The following LRP5 variants were observed in gnomAD, a reference collection of about 807,000 sequenced individuals.
The protein encoded by LRP5 is LDL receptor related protein 5.
A neutral mutation model predicts 154.1 loss-of-function variants in LRP5; 62 were observed. The ratio of observed to expected loss-of-function variants is 0.40; its 90% confidence interval spans 0.33 to 0.50. LRP5 has a LOEUF of 0.50. LRP5 is among the 20% of genes least tolerant of loss of function. The pLI is 0.55. For missense variants in LRP5, 1,915 were observed against 2,336.7 expected, an observed-to-expected ratio of 0.82 and a Z score of 3.72; for synonymous variants, 966 against 1,011.5, an observed-to-expected ratio of 0.96 and a Z score of 0.85.
At position 68,449,184 on chromosome 11, in the gene LRP5, CATG is replaced by C; in HGVS notation, c.*116_*118del. The C allele has an allele frequency of 1.9e-6, 1 of 515,156 alleles. No individual in the cohort carries two copies. The highest frequency in any genetic ancestry group is 4.9e-5 in the East Asian group (1 of 20,426). 31.9% of individuals were successfully genotyped at this position (515,156 alleles called of 1,614,324 possible). A position where few individuals can be genotyped will look rare whatever the true frequency, so the allele number is the denominator to read the frequency against. On this transcript the variant is annotated 3_prime_UTR_variant, in exon 23 of 23. Coordinates refer to ENST00000294304, the MANE Select transcript of LRP5 (RefSeq NM_002335.4). ...ATAAATATAATTGGGATTTTAAAAA[CATG>C]AGAAATGTGAACTGTGATGGGGTGG...
At chr11:68,341,812 A>G (rs192979664) in intron 1 of LRP5, among the ~76,000 whole-genome samples, 2 of 150,446 alleles carry the variant, frequency 1.3e-5, no homozygotes. Flanking sequence ...ACCCTGCACC[A>G]TTTCCCTGAT....
intron 7 of LRP5, among the ~76,000 whole-genome samples, chr11:68,391,141 G>A (rs551150630): frequency 6.6e-5 from 10 of 152,232 alleles, no homozygotes; most frequent in Non-Finnish European, 5.9e-5. Context: ...GCTAAATTTT[G>A]TATTTTTAGT....
Position 68,438,618 on chromosome 11 carries a change from C to A in LRP5, c.4284C>A (p.Ser1428Arg), listed in dbSNP as rs563657853. 1.5e-5 allele frequency: 25 copies of A among 1,613,596 alleles called. No homozygotes were observed. The African/African-American group carries it at 3.1e-4, about 20-fold the overall frequency. ...ANGPFPHEYV[S>R]GTPHVPLNFI... ...GGCCCTTCCCGCACGAGTATGTCAG[C>A]GGGACCCCGCACGTGCCCCTCAATT... Residue 1428 changes from serine to arginine, a missense_variant, in exon 20 of 23, where the codon AGC (serine) becomes AGA (arginine). Physicochemically the swap from Ser to Arg is moderately radical, Grantham distance 110 (BLOSUM62 -1). This residue lies in a region of LRP5 where 1,094 missense variants were observed against 1,210.1 expected (regional missense o/e 0.90). Coordinates refer to ENST00000294304, the MANE Select transcript of LRP5 (RefSeq NM_002335.4).
At chr11:68,425,034 C>G in intron 14 of LRP5, 68 bp from the exon 15 acceptor site, 1 of 1,459,740 alleles carries the variant, frequency 6.9e-7, no homozygotes, top group African/African-American at 1.4e-5. Flanking sequence ...AGCTGGGTGC[C>G]CTGGGCTCCG....
chr11:68,399,322 G>A (rs1357251028), intron 7 of LRP5, among the ~76,000 whole-genome samples: 1 of 151,996 alleles, frequency 6.6e-6, no homozygotes, highest in East Asian at 1.9e-4. Context: ...AGCGAGCCAA[G>A]ATCGTGTCAC....
intron 5 of LRP5, among the ~76,000 whole-genome samples, chr11:68,368,536 G>A (rs2098632326): frequency 6.6e-6 from 1 of 152,266 alleles, no homozygotes; most frequent in Non-Finnish European, 1.5e-5. Context: ...TTTTGAGTAA[G>A]GGGCTGTCTG....
At chr11:68,394,546 A>G (rs1366659580) in intron 7 of LRP5, among the ~76,000 whole-genome samples, 1 of 151,918 alleles carries the variant, frequency 6.6e-6, no homozygotes, top group Non-Finnish European at 1.5e-5. Context: ...GCTCACTGCA[A>G]GCTCTGCCTC....
At position 68,423,399 on chromosome 11, in the gene LRP5, GC is replaced by G. The variant is rs1652241685; in HGVS notation, c.3028-87del. ...CCAGTGCCCGGGGGTCTCCACCAGTGCCCGGGGGTCTCCGCCAGTGCCAGGG... is the reference window on the plus strand; with the variant it reads ...CCAGTGCCCGGGGGTCTCCACCAGTGCCGGGGGTCTCCGCCAGTGCCAGGG... On this transcript the variant is annotated intron_variant, in intron 13 of 22. Coordinates refer to ENST00000294304, the MANE Select transcript of LRP5 (RefSeq NM_002335.4). This position sits in a 1 kb window ranked among gnomAD's most constrained non-coding sequence, Gnocchi z 4.7. 6 of 1,237,552 alleles carry G rather than the reference GC, an allele frequency of 4.8e-6. No individual in the cohort carries two copies. The South Asian group carries it at 6.0e-5, about 12-fold the overall frequency. 76.7% of individuals were successfully genotyped at this position (1,237,552 alleles called of 1,614,324 possible). A position where few individuals can be genotyped will look rare whatever the true frequency, so the allele number is the denominator to read the frequency against.
intron 16 of LRP5, 148 bp from the exon 17 acceptor site, chr11:68,429,427 A>G (rs2098670720): frequency 3.4e-6 from 3 of 884,190 alleles, no homozygotes; most frequent in Admixed American, 2.0e-5. Context: ...GGCTGCCAAG[A>G]GGAATAAGTG....
chr11:68,444,678 G>T (rs1286626992), intron 21 of LRP5, among the ~76,000 whole-genome samples: 2 of 151,130 alleles, frequency 1.3e-5, no homozygotes, highest in Non-Finnish European at 2.9e-5. Flanking sequence ...GGTGGATCTT[G>T]CCAGAAGTCT....
chr11:68,302,249 G>A, the LRP5 span, among the ~76,000 whole-genome samples: 1 of 151,140 alleles, frequency 6.6e-6, no homozygotes, highest in African/African-American at 2.4e-5. Context: ...AGGAGGCTGA[G>A]GCAGGGGGAT....
At chr11:68,380,717 C>T (rs1402785888) in intron 5 of LRP5, among the ~76,000 whole-genome samples, 6 of 152,278 alleles carry the variant, frequency 3.9e-5, no homozygotes, top group South Asian at 4.1e-4. Context: ...CTGTGGTGGG[C>T]GGGGCAGTGC....
At chr11:68,375,008 C>A (rs2098636556) in intron 5 of LRP5, among the ~76,000 whole-genome samples, 1 of 152,224 alleles carries the variant, frequency 6.6e-6, no homozygotes, top group South Asian at 2.1e-4. Flanking sequence ...AGCATAAGCC[C>A]AGCTCCATGC....
chr11:68,393,556 G>A (rs908873070), intron 7 of LRP5, among the ~76,000 whole-genome samples: 3 of 152,126 alleles, frequency 2.0e-5, no homozygotes, highest in Admixed American at 6.5e-5. Flanking sequence ...CGTGGCGGGC[G>A]GATCACCTGA....
chr11:68,437,090 G>A (rs924516454), intron 19 of LRP5, 91 bp downstream of exon 19: 167 of 1,087,400 alleles, frequency 1.5e-4, no homozygotes, highest in Non-Finnish European at 2.5e-5. Flanking sequence ...CTTTCCAGCG[G>A]GGCTGGGGGC....
chr11:68,436,293 T>A (rs1233045508), intron 18 of LRP5, among the ~76,000 whole-genome samples: 2 of 152,126 alleles, frequency 1.3e-5, no homozygotes, highest in African/African-American at 4.8e-5. Flanking sequence ...GAGCAAGTTC[T>A]CTGGGGGCAG....
chr11:68,347,897 G>A lies in LRP5; in HGVS notation c.142G>A (p.Ala48Thr), dbSNP rs1202403360. 7.4e-6 allele frequency: 12 copies of A among 1,613,126 alleles called. No individual in the cohort carries two copies. Among genetic ancestry groups the A allele is most frequent in the East Asian group, 2.2e-5 (1 of 44,896 alleles). Residue 48 changes from alanine to threonine, a missense_variant, in exon 2 of 23, where the codon GCC (alanine) becomes ACC (threonine). Transcript: ENST00000294304. ...ANRRDVRLVD[A>T]GGVKLESTIV... ...CCGCCGGGACGTACGGCTGGTGGAC[G>A]CCGGCGGAGTCAAGCTGGAGTCCAC...
chr11:68,404,321 G>T (rs568332045), intron 8 of LRP5: 2 of 530,796 alleles, frequency 3.8e-6, no homozygotes, highest in Admixed American at 4.5e-5. Context: ...GTCCCACACT[G>T]CACCTGCTTG....
At chr11:68,393,243 C>T (rs1056375007) in intron 7 of LRP5, among the ~76,000 whole-genome samples, 1 of 152,148 alleles carries the variant, frequency 6.6e-6, no homozygotes, top group African/African-American at 2.4e-5. Context: ...GTGGTTTCCA[C>T]CTTTTGTCTC....
Sources: allele counts gnomAD v4.1 joint callset (sites outside exome capture counted in the v4.1 genomes callset), GRCh38; gene constraint gnomAD v4.1.1; regional missense constraint gnomAD v4.1.1; non-coding constraint Gnocchi (gnomAD v3.1); transcripts MANE v1.5; gene names NCBI Gene and HGNC (gene_info 2026-07-23, HGNC 2026-07-21).